The following CDH22 variants were observed in gnomAD, a reference collection of about 807,000 sequenced individuals.
The protein encoded by CDH22 is cadherin 22.
In CDH22, 30 loss-of-function variants were observed where a neutral mutation model predicts 58.4. The ratio of observed to expected loss-of-function variants is 0.51; its 90% CI spans 0.38 to 0.70. The LOEUF (loss-of-function observed/expected upper bound fraction) is 0.70, where lower values mean the gene tolerates loss of function less well. Ranked by LOEUF, CDH22 falls within the 30% of genes least tolerant of loss-of-function variation. The pLI, the probability that CDH22 is intolerant of heterozygous loss-of-function variation, is 0.00. For synonymous variants in CDH22, 513 were observed against 558.2 expected (o/e 0.92, Z 1.14); for missense variants, 1,014 against 1,233.9 (o/e 0.82, Z 2.67).
At chr20:46,284,499 C>T (rs3904162) in intron 1 of CDH22, among the ~76,000 whole-genome samples, 1 of 151,986 alleles carries the variant, frequency 6.6e-6, no homozygotes, top group Admixed American at 6.6e-5. Context: ...GCTGTGCTGG[C>T]TGCTTTCTCT....
chr20:46,261,653 T>C (rs1600720084), intron 1 of CDH22, among the ~76,000 whole-genome samples: 1 of 152,182 alleles, frequency 6.6e-6, no homozygotes, highest in East Asian at 1.9e-4. Context: ...ACAGTCTGGC[T>C]CCTGTCTGCC....
chr20:46,244,892 T>G (rs887814488), intron 2 of CDH22, among the ~76,000 whole-genome samples: 5 of 152,070 alleles, frequency 3.3e-5, no homozygotes, highest in African/African-American at 1.2e-4. Context: ...AAACTACAAA[T>G]CAGGAAAGAT....
chr20:46,303,420 A>C (rs562571921), intron 1 of CDH22, among the ~76,000 whole-genome samples: 6 of 152,140 alleles, frequency 3.9e-5, no homozygotes, highest in Admixed American at 6.5e-5. Context: ...AGAATTGTTC[A>C]TCTTCCTCCC....
At position 46,300,431 on chromosome 20, in the gene CDH22, C is replaced by T. The variant is rs1207970147; in HGVS notation, c.-400+7824G>A. On this transcript the variant is annotated intron_variant, in intron 1 of 11. Coordinates refer to ENST00000537909, the MANE Select transcript of CDH22 (RefSeq NM_021248.3). This position sits in a 1 kb window ranked among gnomAD's most constrained non-coding sequence, Gnocchi z 4.4. The stretch of plus-strand genomic sequence containing the variant: ...ATCCATCAGCCTGCCCGGGCCCATC[C>T]ACCTTATGTCCCCCGCCTGCCTGGT... Among the ~76,000 whole-genome samples the T allele has an allele frequency of 6.6e-6, 1 of 152,168 alleles. No individual in the cohort carries two copies. The highest frequency in any genetic ancestry group is 1.5e-5 in the Non-Finnish European group (1 of 68,026).
At chr20:46,304,518 C>T (rs1371251649) in intron 1 of CDH22, among the ~76,000 whole-genome samples, 1 of 152,226 alleles carries the variant, frequency 6.6e-6, no homozygotes, top group Non-Finnish European at 1.5e-5. Context: ...GCTTAATCAT[C>T]TATTTATATT....
intron 3 of CDH22, among the ~76,000 whole-genome samples, chr20:46,232,636 T>A (rs898756409): frequency 6.6e-6 from 1 of 152,104 alleles, no homozygotes; most frequent in African/African-American, 2.4e-5. Flanking sequence ...AAAAAATGAG[T>A]CCCACCCCTG....
Position 46,251,945 on chromosome 20 carries a change from C to T in CDH22, c.-399-252G>A, listed in dbSNP as rs1424906771. On this transcript the variant is annotated intron_variant, in intron 1 of 11. Coordinates refer to ENST00000537909, the MANE Select transcript of CDH22 (RefSeq NM_021248.3). The surrounding 1 kb of genome is among the most constrained non-coding windows in gnomAD (Gnocchi z 6.7). ...TACGCCCTGTACTCCCAATCTCCTA[C>T]GCCTTTCTCACAGCCCCTGCCCCGC... 2.0e-5 allele frequency among the ~76,000 whole-genome samples: 3 copies of T among 152,058 alleles called. No individual in the cohort carries two copies. The highest frequency in any genetic ancestry group is 4.4e-5 in the Non-Finnish European group (3 of 68,000).
chr20:46,267,596 T>A lies in CDH22; in HGVS notation c.-399-15903A>T, dbSNP rs566156288. Among the ~76,000 whole-genome samples, 7 of 152,366 alleles carry A rather than the reference T, an allele frequency of 4.6e-5. 1 individual carries two copies. In the South Asian group the frequency reaches 1.4e-3, roughly 32 times the overall value. On this transcript the variant is annotated intron_variant, in intron 1 of 11. Coordinates refer to ENST00000537909, the MANE Select transcript of CDH22 (RefSeq NM_021248.3). ...CCATTCCCTGACTCAGCTCTGCAGC[T>A]GAATGGCGTCTCCCAACTCTCCCAA...
At chr20:46,203,691 A>T (rs1313691281) in intron 7 of CDH22, among the ~76,000 whole-genome samples, 4 of 152,206 alleles carry the variant, frequency 2.6e-5, no homozygotes, top group Non-Finnish European at 5.9e-5. Flanking sequence ...CACTGTAATT[A>T]TTATTCAGAG....
chr20:46,245,267 C>T (rs2086320093), intron 2 of CDH22, among the ~76,000 whole-genome samples: 1 of 152,164 alleles, frequency 6.6e-6, no homozygotes, highest in Non-Finnish European at 1.5e-5. Flanking sequence ...CTTTCAAACT[C>T]AGCTTGTTTC....
At chr20:46,285,738 G>C (rs997746158) in intron 1 of CDH22, among the ~76,000 whole-genome samples, 1 of 152,126 alleles carries the variant, frequency 6.6e-6, no homozygotes, top group South Asian at 2.1e-4. Context: ...CAAGATTCAG[G>C]GTTCAGACAC....
chr20:46,267,518 T>A (rs1344207939), intron 1 of CDH22, among the ~76,000 whole-genome samples: 1 of 152,222 alleles, frequency 6.6e-6, no homozygotes, highest in Non-Finnish European at 1.5e-5. Context: ...GAGAACCACA[T>A]GGCTAGGGGC....
chr20:46,303,361 TTCC>T (rs1287677628), intron 1 of CDH22, among the ~76,000 whole-genome samples: 10 of 152,284 alleles, frequency 6.6e-5, no homozygotes, highest in Admixed American at 4.6e-4. Flanking sequence ...TCAACAGCAC[TTCC>T]TCCTAGAAGC....
intron 8 of CDH22, among the ~76,000 whole-genome samples, chr20:46,194,390 A>G (rs2085884289): frequency 6.6e-6 from 1 of 152,206 alleles, no homozygotes; most frequent in African/African-American, 2.4e-5. Context: ...CCCTTTCTCC[A>G]GCCTCCTTAG....
At chr20:46,297,177 G>A (rs144986418) in intron 1 of CDH22, among the ~76,000 whole-genome samples, 2,914 of 152,282 alleles carry the variant, frequency 0.019, 37 homozygotes, top group Middle Eastern at 0.044. Context: ...TCGAAGCCAG[G>A]GGCTGCTCAA....
Position 46,210,182 on chromosome 20 carries a change from C to G in CDH22, c.1286+125G>C, listed in dbSNP as rs376187924. On this transcript the variant is annotated intron_variant, in intron 7 of 11. Transcript: ENST00000537909. This position sits in a 1 kb window ranked among gnomAD's most constrained non-coding sequence, Gnocchi z 4.5. Reference sequence around the variant, plus strand: ...CGTGCGCCTCTCTCCGCGCCTCCCTCCCCCACGCAGCCCCTTCCTTCGGCC... The same window carrying G: ...CGTGCGCCTCTCTCCGCGCCTCCCTGCCCCACGCAGCCCCTTCCTTCGGCC... The G allele has an allele frequency of 1.2e-5, 12 of 1,029,258 alleles. No individual in the cohort carries two copies. In the South Asian group the frequency reaches 2.3e-4, roughly 20 times the overall value. The allele number at this position is 1,029,258 out of a possible 1,614,324, so 63.8% of individuals were successfully genotyped here.
At chr20:46,258,238 G>A (rs1568676235) in intron 1 of CDH22, among the ~76,000 whole-genome samples, 1 of 152,252 alleles carries the variant, frequency 6.6e-6, no homozygotes, top group East Asian at 1.9e-4. Context: ...GGGGACATGT[G>A]TGGGTGGGCG....
chr20:46,177,520 C>G (rs373814048), intron 11 of CDH22, among the ~76,000 whole-genome samples: 23 of 152,230 alleles, frequency 1.5e-4, no homozygotes, highest in African/African-American at 5.5e-4. Flanking sequence ...CAAAGATTAT[C>G]CAGTACCCTT....
intron 1 of CDH22, among the ~76,000 whole-genome samples, chr20:46,307,555 T>C (rs11087003): frequency 0.72 from 108,508 of 151,534 alleles, 38,970 homozygotes; most frequent in Middle Eastern, 0.81. Context: ...CAGCGCTGGC[T>C]CTCGCTCACC....
Sources: gnomAD v4.1 joint callset for allele counts (sites outside exome capture counted in the v4.1 genomes callset) on GRCh38, gnomAD v4.1.1 for gene constraint, Gnocchi (gnomAD v3.1) non-coding constraint, MANE v1.5 for transcripts, NCBI Gene and HGNC (gene_info 2026-07-23, HGNC 2026-07-21) for gene names.